SLITRK1: variants seen among roughly 807,000 people sequenced by gnomAD.
SLITRK1 encodes the protein SLIT and NTRK like family member 1, also known as SLIT and NTRK-like protein 1.
In SLITRK1, 10 loss-of-function variants were observed where a neutral mutation model predicts 42.4. The ratio of observed to expected loss-of-function variants is 0.24; its 90% CI spans 0.15 to 0.40. SLITRK1 has a LOEUF of 0.40. SLITRK1 is among the 10% of genes least tolerant of loss of function. The pLI, the probability that SLITRK1 is intolerant of heterozygous loss-of-function variation, is 1.00. For missense variants in SLITRK1, 778 were observed against 848.8 expected (o/e 0.92, Z 1.04); for synonymous variants, 389 against 365.7 (o/e 1.06, Z -0.73).
Position 83,881,371 on chromosome 13 carries a change from C to A in SLITRK1, c.137G>T (p.Gly46Val). 1.2e-6 allele frequency: 2 copies of A among 1,614,008 alleles called. No individual in the cohort carries two copies. The highest frequency in any genetic ancestry group is 1.7e-6 in the Non-Finnish European group (2 of 1,180,014). ...AGTGAAACGCTGCAGACTTGTGAAGCCCTTTTTTTCACAGTCTACGTGTAG... is the reference window on the plus strand; with the variant it reads ...AGTGAAACGCTGCAGACTTGTGAAGACCTTTTTTTCACAGTCTACGTGTAG... ...GDLHVDCEKK[G>V]FTSLQRFTAP... is the part of the protein sequence containing the mutation. Residue 46 changes from glycine to valine, a missense_variant, in exon 2 of 2, where the codon GGC (glycine) becomes GTC (valine). Gly to Val is a moderately radical substitution (Grantham distance 109). Coordinates refer to ENST00000674365, the MANE Select transcript of SLITRK1 (RefSeq NM_001281503.2).
chr13:83,881,800 C>A (rs1884822138), intron 1 of SLITRK1: 1 of 381,892 alleles, frequency 2.6e-6, no homozygotes. Context: ...TCCCCCACAA[C>A]ACTTTAAAAA....
Position 83,879,198 on chromosome 13 carries a change from C to T in SLITRK1, c.*219G>A, listed in dbSNP as rs1259053730. On this transcript the variant is annotated 3_prime_UTR_variant, in exon 2 of 2. Coordinates refer to ENST00000674365, the MANE Select transcript of SLITRK1 (RefSeq NM_001281503.2). ...CTCAGCAAAGAGCGAGCTGGCTGCG[C>T]TCTCCCAGCTCTCCACAGTCTGCTC... 6.8e-6 allele frequency: 4 copies of T among 591,136 alleles called. No homozygotes were observed. The allele number at this position is 591,136 out of a possible 1,614,324, so 36.6% of individuals were successfully genotyped here. A position where few individuals can be genotyped will look rare whatever the true frequency, so the allele number is the denominator to read the frequency against.
In SLITRK1 at chr13:83,881,840, A is replaced by G. The variant is rs1884822984; in HGVS notation, c.-54+164T>C. 2.9e-5 allele frequency: 8 copies of G among 277,680 alleles called. No homozygotes were observed. In the Admixed American group the frequency reaches 3.5e-4, roughly 12 times the overall value. The allele number at this position is 277,680 out of a possible 1,614,324, so 17.2% of individuals were successfully genotyped here. A position where few individuals can be genotyped will look rare whatever the true frequency, so the allele number is the denominator to read the frequency against. Reference sequence around the variant, plus strand: ...AGAAAAAGAAGTTAAATATATACATATAAATTAAAAGTACACCCTTACAGA... The same window carrying G: ...AGAAAAAGAAGTTAAATATATACATGTAAATTAAAAGTACACCCTTACAGA... On this transcript the variant is annotated intron_variant, in intron 1 of 1. Transcript: ENST00000674365.
chr13:83,880,910 G>T lies in SLITRK1; in HGVS notation c.598C>A (p.Gln200Lys). The change falls in exon 2 of 2, where the codon CAA (glutamine) becomes AAA (lysine). Residue 200 changes from glutamine to lysine, a missense_variant. By Grantham distance (53) the Gln-to-Lys change is moderately conservative. Coordinates refer to ENST00000674365, the MANE Select transcript of SLITRK1 (RefSeq NM_001281503.2). ...AGGATCTCCGCAATACCAGGGATTT[G>T]CTCCAAGACCTCCTCATAGGGCAGC... Reference protein sequence around the residue: ...KTLPYEEVLEQIPGIAEILLE... With the variant: ...KTLPYEEVLEKIPGIAEILLE... 1 of 1,614,012 alleles carries T rather than the reference G, an allele frequency of 6.2e-7. No individual in the cohort carries two copies. The highest frequency in any genetic ancestry group is 8.5e-7 in the Non-Finnish European group (1 of 1,180,008).
chr13:83,880,775 T>C lies in SLITRK1; in HGVS notation c.733A>G (p.Thr245Ala). The C allele has an allele frequency of 6.2e-7, 1 of 1,614,116 alleles. No homozygotes were observed. The highest frequency in any genetic ancestry group is 8.5e-7 in the Non-Finnish European group (1 of 1,180,024). ...LIGRVVCEAP[T>A]RLQGKDLNET... is the part of the protein sequence containing the mutation. ...TTGAGGTCTTTACCCTGCAGTCTGG[T>C]GGGGGCTTCGCAGACCACTCGGCCG... The change falls in exon 2 of 2, where the codon ACC (threonine) becomes GCC (alanine). Residue 245 changes from threonine (T) to alanine (A), a missense_variant. By Grantham distance (58) the Thr-to-Ala change is moderately conservative. Transcript: ENST00000674365.
chr13:83,881,795 CACA>C, intron 1 of SLITRK1: 1 of 401,108 alleles, frequency 2.5e-6, no homozygotes, highest in South Asian at 4.8e-5. Flanking sequence ...CCCACTCCCC[CACA>C]ACACTTTAAA....
rs1884739298 is a variant in SLITRK1, at chr13:83,878,666, A to C, written c.*751T>G. 1 of 152,678 alleles carries C rather than the reference A, an allele frequency of 6.5e-6. No individual in the cohort carries two copies. The highest frequency in any genetic ancestry group is 1.5e-5 in the Non-Finnish European group (1 of 68,046). The allele number at this position is 152,678 out of a possible 1,614,324, so 9.5% of individuals were successfully genotyped here. On this transcript the variant is annotated 3_prime_UTR_variant, in exon 2 of 2. Transcript: ENST00000674365. ...AAAATGGACTGATGACTAGCCATGC[A>C]AATGTCCTAAATAAAACCTTTACAT...
Position 83,881,419 on chromosome 13 carries a change from G to A in SLITRK1, c.89C>T (p.Ser30Phe). The change falls in exon 2 of 2, where the codon TCC becomes TTC. Residue 30 changes from serine to phenylalanine, a missense_variant. Ser to Phe is a radical substitution (Grantham distance 155). Coordinates refer to ENST00000674365, the MANE Select transcript of SLITRK1 (RefSeq NM_001281503.2). ...TAGGTCCCCTTCTATCTCATTGCAG[G>A]AACAGATCTTCTCTTTGCAAACGTC... ...TGDVCKEKIC[S>F]CNEIEGDLHV... 1 of 1,613,798 alleles carries A rather than the reference G, an allele frequency of 6.2e-7. No homozygotes were observed. The highest frequency in any genetic ancestry group is 8.5e-7 in the Non-Finnish European group (1 of 1,179,972).
chr13:83,877,666 T>G lies in SLITRK1; in HGVS notation c.*1751A>C, dbSNP rs1884718439. On this transcript the variant is annotated 3_prime_UTR_variant, in exon 2 of 2. Transcript: ENST00000674365. ...ATAAAGATGAGTGCTTTAACAAATT[T>G]CAATATGCAGTTGCTGGGGCGGGGA... 1 of 117,450 alleles carries G rather than the reference T, an allele frequency of 8.5e-6. No homozygotes were observed. Among genetic ancestry groups the G allele is most frequent in the Admixed American group, 1.3e-4 (1 of 7,584 alleles). 7.3% of individuals were successfully genotyped at this position (117,450 alleles called of 1,614,324 possible). A position where few individuals can be genotyped will look rare whatever the true frequency, so the allele number is the denominator to read the frequency against.
rs1884826732 is a variant in SLITRK1, at chr13:83,882,077, G to C, written c.-127C>G. On this transcript the variant is annotated 5_prime_UTR_variant, in exon 1 of 2. Coordinates refer to ENST00000674365, the MANE Select transcript of SLITRK1 (RefSeq NM_001281503.2). ...GGCTGCTGGTGGAGTTCTTGCTGTGGTTGCGGGTTGCCCAGAAGTCCCCCC... is the reference window on the plus strand; with the variant it reads ...GGCTGCTGGTGGAGTTCTTGCTGTGCTTGCGGGTTGCCCAGAAGTCCCCCC... 1 of 168,020 alleles carries C rather than the reference G, an allele frequency of 6.0e-6. No homozygotes were observed. The highest frequency in any genetic ancestry group is 6.5e-5 in the Admixed American group (1 of 15,280). The allele number at this position is 168,020 out of a possible 1,614,324, so 10.4% of individuals were successfully genotyped here.
rs749904055 is a variant in SLITRK1, at chr13:83,880,386, G to A, written c.1122C>T (p.Leu374=). 1.2e-6 allele frequency: 2 copies of A among 1,613,916 alleles called. No homozygotes were observed. The highest frequency in any genetic ancestry group is 1.7e-6 in the Non-Finnish European group (2 of 1,180,018). Residue 374 remains leucine, a synonymous_variant, in exon 2 of 2, where the codon CTC becomes CTT. Transcript: ENST00000674365. ...VSSLADLKPK[L]SNVQELFLRD... ...GTAGGAAAAGCTCCTGCACGTTAGAGAGCTTGGGCTTCAAATCAGCCAAGC... is the reference window on the plus strand; with the variant it reads ...GTAGGAAAAGCTCCTGCACGTTAGAAAGCTTGGGCTTCAAATCAGCCAAGC...
In SLITRK1 at chr13:83,879,452, C is replaced by G. The variant is rs1364377970; in HGVS notation, c.2056G>C (p.Val686Leu). Reference sequence around the variant, plus strand: ...AGCGAGTGAGAGCCACAGTCATACACTCTGTGGGCCCCATCTGCGTTGTAA... The same window carrying G: ...AGCGAGTGAGAGCCACAGTCATACAGTCTGTGGGCCCCATCTGCGTTGTAA... Reference protein sequence around the residue: ...GPYNADGAHRVYDCGSHSLSD With the variant: ...GPYNADGAHRLYDCGSHSLSD Residue 686 changes from valine (V) to leucine (L), a missense_variant, in exon 2 of 2, where the codon GTG becomes CTG. By Grantham distance (32) the Val-to-Leu change is conservative (BLOSUM62 1). Transcript: ENST00000674365. 2 of 1,613,716 alleles carry G rather than the reference C, an allele frequency of 1.2e-6. No homozygotes were observed. Among genetic ancestry groups the G allele is most frequent in the Non-Finnish European group, 1.7e-6 (2 of 1,180,038 alleles).
rs1884730903 is a variant in SLITRK1, at chr13:83,878,222, A to C, written c.*1195T>G. ...TTACCACTTGCAAATATGAAGCTGGAAAAAGGTAAGGACCCAGAGTTGAAA... is the reference window on the plus strand; with the variant it reads ...TTACCACTTGCAAATATGAAGCTGGCAAAAGGTAAGGACCCAGAGTTGAAA... On this transcript the variant is annotated 3_prime_UTR_variant, in exon 2 of 2. Transcript: ENST00000674365. 6.6e-6 allele frequency: 1 copy of C among 152,602 alleles called. No individual in the cohort carries two copies. Among genetic ancestry groups the C allele is most frequent in the South Asian group, 2.1e-4 (1 of 4,832 alleles). The allele number at this position is 152,602 out of a possible 1,614,324, so 9.5% of individuals were successfully genotyped here. A position where few individuals can be genotyped will look rare whatever the true frequency, so the allele number is the denominator to read the frequency against.
chr13:83,879,674 T>A lies in SLITRK1; in HGVS notation c.1834A>T (p.Thr612Ser), dbSNP rs1412833344. 1.2e-6 allele frequency: 2 copies of A among 1,613,534 alleles called. No homozygotes were observed. The highest frequency in any genetic ancestry group is 1.7e-6 in the Non-Finnish European group (2 of 1,179,914). The change falls in exon 2 of 2, where the codon ACC (threonine) becomes TCC (serine). Residue 612 changes from threonine (T) to serine (S), a missense_variant. Physicochemically the swap from Thr to Ser is moderately conservative, Grantham distance 58. Coordinates refer to ENST00000674365, the MANE Select transcript of SLITRK1 (RefSeq NM_001281503.2). ...AACACCGAGATGGACACCCTGCTGG[T>A]GTCTAGGTAGGAGTTGGAGTGCGTC... ...TGTHSNSYLD[T>S]SRVSISVLVP...
chr13:83,878,792 A>T lies in SLITRK1; in HGVS notation c.*625T>A, dbSNP rs1884742149. On this transcript the variant is annotated 3_prime_UTR_variant, in exon 2 of 2. Transcript: ENST00000674365. ...CTGTATTTTGTTTATAGAAAGTTTG[A>T]TACGATGGAACTTATCAGGTAAGAG... 6.5e-6 allele frequency: 1 copy of T among 153,518 alleles called. No individual in the cohort carries two copies. The highest frequency in any genetic ancestry group is 1.5e-5 in the Non-Finnish European group (1 of 68,768). The allele number at this position is 153,518 out of a possible 1,614,324, so 9.5% of individuals were successfully genotyped here.
In SLITRK1 at chr13:83,881,520, C is replaced by G; in HGVS notation, c.-13G>C. 1 of 1,602,702 alleles carries G rather than the reference C, an allele frequency of 6.2e-7. No homozygotes were observed. Among genetic ancestry groups the G allele is most frequent in the Non-Finnish European group, 8.5e-7 (1 of 1,173,030 alleles). ...TCCAAAGCAGCATTTTTAAAGCGAG[C>G]AATTCATCCCCGATCTCATCACAAA... On this transcript the variant is annotated 5_prime_UTR_variant, in exon 2 of 2. Coordinates refer to ENST00000674365, the MANE Select transcript of SLITRK1 (RefSeq NM_001281503.2).
chr13:83,879,074 A>C lies in SLITRK1; in HGVS notation c.*343T>G, dbSNP rs1478319264. 1 of 379,878 alleles carries C rather than the reference A, an allele frequency of 2.6e-6. No homozygotes were observed. Among genetic ancestry groups the C allele is most frequent in the Non-Finnish European group, 5.0e-6 (1 of 198,466 alleles). 23.5% of individuals were successfully genotyped at this position (379,878 alleles called of 1,614,324 possible). A position where few individuals can be genotyped will look rare whatever the true frequency, so the allele number is the denominator to read the frequency against. On this transcript the variant is annotated 3_prime_UTR_variant, in exon 2 of 2. Transcript: ENST00000674365. ...GATGTGGATATATGTATATATGTAT[A>C]GAACCGCGGCATCCAACCCCACAGG... is the stretch of plus-strand genomic sequence containing the variant.
Position 83,880,199 on chromosome 13 carries a change from T to C in SLITRK1, c.1309A>G (p.Thr437Ala). The change falls in exon 2 of 2, where the codon ACG becomes GCG. Residue 437 changes from threonine to alanine, a missense_variant. Physicochemically the swap from Thr to Ala is moderately conservative, Grantham distance 58 (BLOSUM62 0). Around this residue, in one of 4 missense-constraint regions of SLITRK1, gnomAD observed 395 missense variants for 360.4 expected, o/e 1.10. Coordinates refer to ENST00000674365, the MANE Select transcript of SLITRK1 (RefSeq NM_001281503.2). ...CCCGCGAATTTCTCCCGGGACAGCG[T>C]GTCCAGGTAATTGCTATCCATGTAT... ...WLYMDSNYLD[T>A]LSREKFAGLQ... 6.2e-7 allele frequency: 1 copy of C among 1,614,088 alleles called. No homozygotes were observed.
rs751662784 is a variant in SLITRK1 at position 83,879,800 on chromosome 13, T to C, written c.1708A>G (p.Met570Val). The change falls in exon 2 of 2, where the codon ATG (methionine) becomes GTG (valine). Residue 570 changes from methionine to valine, a missense_variant. By Grantham distance (21) the Met-to-Val change is conservative. Around this residue, in one of 4 missense-constraint regions of SLITRK1, gnomAD observed 164 missense variants for 158.2 expected, o/e 1.04. Coordinates refer to ENST00000674365, the MANE Select transcript of SLITRK1 (RefSeq NM_001281503.2). ...CAGATCTCGTCATTGGAGAGGAGCA[T>C]GAAATCCTTTCTAAAGAAGTTCACC... ...TPVNFFRKDFMLLSNDEICPQ... is the reference protein window; with the variant it reads ...TPVNFFRKDFVLLSNDEICPQ... 3.7e-6 allele frequency: 6 copies of C among 1,613,928 alleles called. No individual in the cohort carries two copies. The Admixed American group carries it at 6.7e-5, about 18-fold the overall frequency.
Sources: allele counts gnomAD v4.1 joint callset, GRCh38; gene constraint gnomAD v4.1.1; regional missense constraint gnomAD v4.1.1; transcripts MANE v1.5; gene names NCBI Gene and HGNC (gene_info 2026-07-23, HGNC 2026-07-21).